SPOCK1: variants seen among roughly 807,000 people sequenced by gnomAD.
SPOCK1 encodes the protein testican-1.
A neutral mutation model predicts 55.3 loss-of-function variants in SPOCK1; 23 were observed. The ratio of observed to expected loss-of-function variants is 0.42; its 90% confidence interval spans 0.30 to 0.59. The LOEUF is 0.59. SPOCK1 is among the 20% of genes least tolerant of loss of function. SPOCK1 has a pLI of 0.22. For synonymous variants in SPOCK1, 226 were observed against 221.0 expected (o/e 1.02, Z -0.20); for missense variants, 499 against 552.5 (o/e 0.90, Z 0.97).
intron 4 of SPOCK1, among the ~76,000 whole-genome samples, chr5:137,131,192 G>A (rs1196686130): frequency 2.0e-5 from 3 of 152,336 alleles, no homozygotes; most frequent in African/African-American, 4.8e-5. Context: ...ATCTTGATGA[G>A]TTTTGGCAGA....
At chr5:137,476,237 C>T (rs1313650820) in intron 2 of SPOCK1, among the ~76,000 whole-genome samples, 3 of 151,920 alleles carry the variant, frequency 2.0e-5, no homozygotes, top group African/African-American at 4.8e-5. Context: ...TGCTTATATG[C>T]ACATACACAA....
At chr5:137,453,041 G>A (rs1220645890) in intron 2 of SPOCK1, among the ~76,000 whole-genome samples, 1 of 152,168 alleles carries the variant, frequency 6.6e-6, no homozygotes, top group East Asian at 1.9e-4. Flanking sequence ...TGACTTTTAA[G>A]TCTTTTTCCA....
At chr5:137,147,180 T>C (rs1439015083) in intron 3 of SPOCK1, among the ~76,000 whole-genome samples, 4 of 152,162 alleles carry the variant, frequency 2.6e-5, no homozygotes. Context: ...ATGATAACAA[T>C]TGTTAAATGT....
At chr5:137,228,655 CAAAAG>C (rs1330345298) in intron 3 of SPOCK1, among the ~76,000 whole-genome samples, 1 of 151,740 alleles carries the variant, frequency 6.6e-6, no homozygotes, top group South Asian at 2.1e-4. Context: ...AAAATAAAAA[CAAAAG>C]AAAACAAAAA....
At position 137,068,590 on chromosome 5, in the gene SPOCK1, A is replaced by G. The variant is rs188953817; in HGVS notation, c.475-761T>C. Among the ~76,000 whole-genome samples the G allele has an allele frequency of 3.3e-5, 5 of 152,322 alleles. No individual in the cohort carries two copies. The East Asian group carries it at 9.6e-4, about 29-fold the overall frequency. ...TGAATTCTCAGAACACAGGCAGGAGAGAGGAATGTTATTAATAGGTGCAAA... is the reference window on the plus strand; with the variant it reads ...TGAATTCTCAGAACACAGGCAGGAGGGAGGAATGTTATTAATAGGTGCAAA... On this transcript the variant is annotated intron_variant, in intron 5 of 10. Transcript: ENST00000394945.
intron 6 of SPOCK1, among the ~76,000 whole-genome samples, chr5:137,027,780 C>A (rs1751705807): frequency 6.6e-6 from 1 of 151,924 alleles, no homozygotes; most frequent in South Asian, 2.1e-4. Context: ...CCCATACACA[C>A]CACCCCTTTT....
intron 1 of SPOCK1, among the ~76,000 whole-genome samples, chr5:137,498,875 C>G (rs1055046119): frequency 6.7e-6 from 1 of 149,416 alleles, no homozygotes; most frequent in Non-Finnish European, 1.5e-5. Flanking sequence ...TCCCCAGAAG[C>G]GGGGAGCCCG....
intron 5 of SPOCK1, among the ~76,000 whole-genome samples, chr5:137,105,526 C>A (rs1753347145): frequency 6.6e-6 from 1 of 152,186 alleles, no homozygotes; most frequent in Admixed American, 6.5e-5. Flanking sequence ...ATGCACAACC[C>A]TGATTTGCTC....
chr5:136,997,805 A>G (rs182213941), intron 6 of SPOCK1, among the ~76,000 whole-genome samples: 41 of 152,274 alleles, frequency 2.7e-4, no homozygotes, highest in African/African-American at 8.9e-4. Flanking sequence ...CTCTGATAGC[A>G]TTCATAACAC....
At position 137,271,327 on chromosome 5, in the gene SPOCK1, G is replaced by A. The variant is rs185508059; in HGVS notation, c.187-4272C>T. Among the ~76,000 whole-genome samples the A allele has an allele frequency of 1.1e-3, 166 of 150,196 alleles. 1 individual carries two copies. Among genetic ancestry groups the A allele is most frequent in the Non-Finnish European group, 2.0e-3 (136 of 67,668 alleles). On this transcript the variant is annotated intron_variant, in intron 2 of 10. Coordinates refer to ENST00000394945, the MANE Select transcript of SPOCK1 (RefSeq NM_004598.4). Reference sequence around the variant, plus strand: ...TAATGCTTTAGAGATATTCTGTTCAGATAAGCATCAATGAAAAAGAAAATA... The same window carrying A: ...TAATGCTTTAGAGATATTCTGTTCAAATAAGCATCAATGAAAAAGAAAATA...
chr5:137,339,561 A>G (rs1750368260), intron 2 of SPOCK1, among the ~76,000 whole-genome samples: 1 of 152,194 alleles, frequency 6.6e-6, no homozygotes, highest in African/African-American at 2.4e-5. Flanking sequence ...GAGCCTCCGC[A>G]TCAAGCTAAA....
chr5:137,375,163 TCAAGAAGTAA>T (rs1214503583), intron 2 of SPOCK1, among the ~76,000 whole-genome samples: 2 of 150,668 alleles, frequency 1.3e-5, no homozygotes, highest in Non-Finnish European at 3.0e-5. Context: ...TAAAAAAAAG[TCAAGAAGTAA>T]CAAGAAGTAA....
intron 3 of SPOCK1, among the ~76,000 whole-genome samples, chr5:137,150,420 C>T (rs1226519859): frequency 1.3e-5 from 2 of 152,264 alleles, no homozygotes; most frequent in Admixed American, 1.3e-4. Context: ...GCCTTGTACA[C>T]AAACCTACGC....
intron 6 of SPOCK1, among the ~76,000 whole-genome samples, chr5:137,007,216 A>C (rs993397977): frequency 6.6e-6 from 1 of 152,226 alleles, no homozygotes; most frequent in African/African-American, 2.4e-5. Flanking sequence ...AATACCATTC[A>C]GGACATAGGC....
At chr5:137,297,232 T>C (rs1242048468) in intron 2 of SPOCK1, among the ~76,000 whole-genome samples, 1 of 152,234 alleles carries the variant, frequency 6.6e-6, no homozygotes, top group Non-Finnish European at 1.5e-5. Context: ...ATGTGTCTAC[T>C]TATCTCCCTT....
At chr5:137,014,143 T>C (rs931061373) in intron 6 of SPOCK1, among the ~76,000 whole-genome samples, 1 of 152,170 alleles carries the variant, frequency 6.6e-6, no homozygotes, top group Admixed American at 6.5e-5. Context: ...TAAAAGTGTG[T>C]GGCACCTCTC....
intron 3 of SPOCK1, among the ~76,000 whole-genome samples, chr5:137,261,854 T>C (rs1196881032): frequency 6.6e-6 from 1 of 152,188 alleles, no homozygotes; most frequent in African/African-American, 2.4e-5. Context: ...TGGAACTTCA[T>C]AGCCAAATAA....
intron 3 of SPOCK1, among the ~76,000 whole-genome samples, chr5:137,177,422 G>A (rs1754876188): frequency 1.3e-5 from 2 of 152,044 alleles, no homozygotes; most frequent in African/African-American, 4.8e-5. Context: ...GCAACAGCTG[G>A]GTTAAAGAGC....
intron 6 of SPOCK1, among the ~76,000 whole-genome samples, chr5:137,044,461 T>A (rs1752066625): frequency 6.6e-6 from 1 of 151,858 alleles, no homozygotes; most frequent in Non-Finnish European, 1.5e-5. Flanking sequence ...ATAATCTGAG[T>A]TCAAATCTTG....
Sources: gnomAD v4.1 joint callset for allele counts (sites outside exome capture counted in the v4.1 genomes callset) on GRCh38, gnomAD v4.1.1 for gene constraint, MANE v1.5 for transcripts, NCBI Gene and HGNC (gene_info 2026-07-23, HGNC 2026-07-21) for gene names.